GPHN: variants seen among roughly 807,000 people sequenced by gnomAD.
The protein encoded by GPHN is gephyrin.
A neutral mutation model predicts 95.5 loss-of-function variants in GPHN; 17 were observed. That is an observed-to-expected ratio of 0.18 (90% CI 0.12 to 0.27). GPHN has a LOEUF of 0.27. Ranked by LOEUF, GPHN falls within the 10% of genes least tolerant of loss-of-function variation. The probability of loss-of-function intolerance (pLI) is 1.00; values close to 1 mark genes in which losing one functional copy is unlikely to be tolerated. For synonymous variants in GPHN, 320 were observed against 322.5 expected (o/e 0.99, Z 0.08); for missense variants, 660 against 978.1 (o/e 0.67, Z 4.34).
At chr14:67,647,162 A>G in the GPHN span, 101 of 588,518 alleles carry the variant, frequency 1.7e-4, no homozygotes, top group African/African-American at 1.7e-3. Flanking sequence ...CAGAAAGGCA[A>G]AATTTGAAAC....
At chr14:66,692,335 A>G (rs1408394866) in intron 2 of GPHN, among the ~76,000 whole-genome samples, 1 of 152,162 alleles carries the variant, frequency 6.6e-6, no homozygotes, top group Non-Finnish European at 1.5e-5. Flanking sequence ...ATGATGAGGT[A>G]CTAACATTTA....
At chr14:67,301,896 T>C in the GPHN span, 1 of 1,437,604 alleles carries the variant, frequency 7.0e-7, no homozygotes, top group Non-Finnish European at 9.3e-7. Context: ...CAGAATACTA[T>C]GTACATAGGT....
chr14:67,646,813 A>G, the GPHN span: 1 of 1,447,512 alleles, frequency 6.9e-7, no homozygotes, highest in East Asian at 2.3e-5. Flanking sequence ...CTGATGCTTA[A>G]CTTGGTCTAT....
the GPHN span, among the ~76,000 whole-genome samples, chr14:67,681,932 T>C: frequency 1.3e-5 from 2 of 152,072 alleles, no homozygotes; most frequent in Non-Finnish European, 2.9e-5. Flanking sequence ...CATGAACAGA[T>C]TAATTAATAA....
the GPHN span, among the ~76,000 whole-genome samples, chr14:67,348,608 G>A: frequency 8.8e-4 from 133 of 151,910 alleles, 1 homozygote; most frequent in Non-Finnish European, 3.4e-4. Flanking sequence ...TGGAACCTCC[G>A]CTTCCCGGGT....
intron 1 of GPHN, among the ~76,000 whole-genome samples, chr14:66,533,352 C>A (rs2059017767): frequency 6.6e-6 from 1 of 152,158 alleles, no homozygotes; most frequent in African/African-American, 2.4e-5. Context: ...TACTCTGTTG[C>A]CACCATTGAT....
At chr14:67,007,382 T>A (rs111879622) in intron 9 of GPHN, among the ~76,000 whole-genome samples, 70 of 152,340 alleles carry the variant, frequency 4.6e-4, no homozygotes, top group African/African-American at 1.4e-3. Context: ...TGTGGGCTGA[T>A]GAAATATAAA....
chr14:67,117,539 G>A (rs750170495), intron 16 of GPHN, among the ~76,000 whole-genome samples: 1 of 152,020 alleles, frequency 6.6e-6, no homozygotes, highest in African/African-American at 2.4e-5. Context: ...AACAGTAAAG[G>A]TTGAACCCCT....
the GPHN span, chr14:67,662,622 A>C: frequency 1.7e-6 from 2 of 1,210,656 alleles, no homozygotes; most frequent in Non-Finnish European, 2.3e-6. Context: ...TAAGCTTCCT[A>C]TGGCAGGGCC....
At chr14:67,191,233 C>CA in the GPHN span, among the ~76,000 whole-genome samples, 2,887 of 149,644 alleles carry the variant, frequency 0.019, 38 homozygotes, top group Middle Eastern at 0.024. Context: ...GACTCCGTCT[C>CA]AAAAAAAAAC....
intron 5 of GPHN, among the ~76,000 whole-genome samples, chr14:66,889,869 CTAGA>C (rs2064382798): frequency 6.6e-6 from 1 of 151,608 alleles, no homozygotes; most frequent in Middle Eastern, 3.4e-3. Context: ...AAAATTTTAG[CTAGA>C]TAGACTAAGA....
intron 3 of GPHN, among the ~76,000 whole-genome samples, chr14:66,817,671 T>C (rs1785430373): frequency 6.6e-6 from 1 of 152,134 alleles, no homozygotes; most frequent in African/African-American, 2.4e-5. Context: ...CTCAGTTGGG[T>C]CTGGAGAATC....
At chr14:66,685,676 A>G (rs1442898904) in intron 2 of GPHN, among the ~76,000 whole-genome samples, 1 of 151,542 alleles carries the variant, frequency 6.6e-6, no homozygotes, top group Non-Finnish European at 1.5e-5. Context: ...GATTGCAAAA[A>G]TTTTCTCCCA....
At chr14:67,040,914 A>G (rs957500601) in intron 10 of GPHN, among the ~76,000 whole-genome samples, 1 of 152,206 alleles carries the variant, frequency 6.6e-6, no homozygotes, top group Non-Finnish European at 1.5e-5. Flanking sequence ...ACTGTAGTTA[A>G]TGAGTACAGT....
intron 9 of GPHN, among the ~76,000 whole-genome samples, chr14:66,982,171 A>G (rs558262320): frequency 3.3e-5 from 5 of 152,238 alleles, no homozygotes; most frequent in African/African-American, 1.2e-4. Context: ...TACATTTACA[A>G]TTATTTTTGG....
At chr14:67,683,804 C>T in the GPHN span, among the ~76,000 whole-genome samples, 1 of 152,096 alleles carries the variant, frequency 6.6e-6, no homozygotes, top group African/African-American at 2.4e-5. Context: ...CCTAGGGGTC[C>T]CTCCTCTCCC....
the GPHN span, among the ~76,000 whole-genome samples, chr14:67,233,289 G>A: frequency 6.6e-6 from 1 of 152,010 alleles, no homozygotes; most frequent in African/African-American, 2.4e-5. Context: ...CTATAGGCAT[G>A]TGCCACCACG....
chr14:67,551,837 G>T, the GPHN span, among the ~76,000 whole-genome samples: 1 of 152,102 alleles, frequency 6.6e-6, no homozygotes, highest in East Asian at 1.9e-4. Context: ...AGCTGGGATT[G>T]GCCACTCCAG....
the GPHN span, among the ~76,000 whole-genome samples, chr14:67,305,704 C>T: frequency 3.3e-5 from 5 of 152,118 alleles, no homozygotes; most frequent in South Asian, 2.1e-4. Context: ...TGTTGATTCT[C>T]GTTGTATGCA....
Sources: gnomAD v4.1 joint callset for allele counts (sites outside exome capture counted in the v4.1 genomes callset) on GRCh38, gnomAD v4.1.1 for gene constraint, MANE v1.5 for transcripts, NCBI Gene and HGNC (gene_info 2026-07-23, HGNC 2026-07-21) for gene names.